Variants in TANGO6 observed in about 807,000 individuals in gnomAD.
TANGO6 encodes the protein transport and golgi organization 6 homolog.
In TANGO6, 90 loss-of-function variants were observed where a neutral mutation model predicts 114.2. That is an observed-to-expected ratio of 0.79 (90% CI 0.66 to 0.94). The LOEUF (loss-of-function observed/expected upper bound fraction) is 0.94, where lower values mean the gene tolerates loss of function less well. Among genes scored for constraint, TANGO6 ranks in the 40% least tolerant of loss-of-function variants. TANGO6 has a pLI of 0.00. For missense variants in TANGO6, 1,274 were observed against 1,315.3 expected (o/e 0.97, Z 0.49); for synonymous variants, 477 against 509.8 (o/e 0.94, Z 0.87).
intron 3 of TANGO6, among the ~76,000 whole-genome samples, chr16:68,864,174 CAA>C (rs11393218): frequency 7.4e-6 from 1 of 135,328 alleles, no homozygotes; most frequent in Non-Finnish European, 1.6e-5. Flanking sequence ...AACTCCGTCT[CAA>C]AAAAAAAAAA....
intron 15 of TANGO6, among the ~76,000 whole-genome samples, chr16:69,009,568 TGCAACAACA>T (rs1182661331): frequency 7.2e-5 from 11 of 152,200 alleles, no homozygotes; most frequent in African/African-American, 2.7e-4. Context: ...CACCAATTTC[TGCAACAACA>T]GCAACAACAA....
At chr16:68,998,830 A>G (rs1157583665) in intron 15 of TANGO6, among the ~76,000 whole-genome samples, 1 of 152,048 alleles carries the variant, frequency 6.6e-6, no homozygotes, top group Non-Finnish European at 1.5e-5. Context: ...ATTATTTGCC[A>G]TAGAAACTCC....
chr16:69,049,041 C>T (rs1323360853), intron 17 of TANGO6, among the ~76,000 whole-genome samples: 1 of 152,158 alleles, frequency 6.6e-6, no homozygotes, highest in South Asian at 2.1e-4. Flanking sequence ...AGAGCCCCCT[C>T]TTCCCCTTAC....
intron 1 of TANGO6, among the ~76,000 whole-genome samples, chr16:68,844,268 G>A (rs1158537968): frequency 6.6e-6 from 1 of 152,154 alleles, no homozygotes; most frequent in African/African-American, 2.4e-5. Flanking sequence ...GGGATATTGG[G>A]AGTGGTTGAA....
At chr16:69,027,708 C>T (rs1252806617) in intron 16 of TANGO6, among the ~76,000 whole-genome samples, 1 of 151,850 alleles carries the variant, frequency 6.6e-6, no homozygotes, top group Non-Finnish European at 1.5e-5. Flanking sequence ...GGTCTCTTCA[C>T]ATAACCCAAA....
intron 17 of TANGO6, among the ~76,000 whole-genome samples, chr16:69,077,823 C>G (rs1478068924): frequency 6.6e-6 from 1 of 152,020 alleles, no homozygotes; most frequent in Non-Finnish European, 1.5e-5. Flanking sequence ...GAGCGAGACT[C>G]TTTCTCAAAA....
intron 15 of TANGO6, among the ~76,000 whole-genome samples, chr16:69,006,401 C>A (rs1964092060): frequency 6.6e-6 from 1 of 152,100 alleles, no homozygotes; most frequent in Admixed American, 6.6e-5. Flanking sequence ...AAAATAGATT[C>A]TCCAGTCCTC....
intron 16 of TANGO6, among the ~76,000 whole-genome samples, chr16:69,037,955 C>CT (rs1959716605): frequency 6.6e-6 from 1 of 152,178 alleles, no homozygotes; most frequent in Non-Finnish European, 1.5e-5. Flanking sequence ...AAAATACAAC[C>CT]TGTATAGTTA....
intron 9 of TANGO6, among the ~76,000 whole-genome samples, chr16:68,905,909 A>G (rs770335331): frequency 3.9e-5 from 6 of 152,076 alleles, no homozygotes; most frequent in Non-Finnish European, 8.8e-5. Flanking sequence ...ATGGCCGAGC[A>G]CAGTGGCTCA....
Position 68,892,538 on chromosome 16 carries a change from C to T in TANGO6, c.1378-7896C>T, listed in dbSNP as rs1962638368. 4.8e-5 allele frequency among the ~76,000 whole-genome samples: 7 copies of T among 145,954 alleles called. No individual in the cohort carries two copies. In the South Asian group the frequency reaches 1.5e-3, roughly 31 times the overall value. ...TTTTTTTTTTTTTTTGAGACGGAGTCTCTGTCTGTTGCCCAGGCTGGAGTG... is the reference window on the plus strand; with the variant it reads ...TTTTTTTTTTTTTTTGAGACGGAGTTTCTGTCTGTTGCCCAGGCTGGAGTG... On this transcript the variant is annotated intron_variant, in intron 7 of 17. Transcript: ENST00000261778.
rs1250066720 is a variant in TANGO6, at chr16:68,900,544, A to C, written c.1488A>C (p.Ile496=). The C allele has an allele frequency of 2.5e-6, 4 of 1,607,424 alleles. No individual in the cohort carries two copies. Among genetic ancestry groups the C allele is most frequent in the Non-Finnish European group, 3.4e-6 (4 of 1,175,180 alleles). The change falls in exon 8 of 18, where the codon ATA becomes ATC. Residue 496 remains isoleucine, a splice_region_variant and synonymous_variant. Transcript: ENST00000261778. The part of the protein sequence containing the change: ...YCFTKQSVSH[I]RSLCQEILLW... ...TTACTAAGCAGAGTGTGTCTCACAT[A>C]AGGTAAACAATCAAGGGACCCTTAT...
chr16:68,906,862 C>T (rs1486848996), intron 9 of TANGO6, among the ~76,000 whole-genome samples: 2 of 150,090 alleles, frequency 1.3e-5, no homozygotes, highest in Admixed American at 6.7e-5. Flanking sequence ...GGCACAATCT[C>T]GGCTCACTGC....
intron 17 of TANGO6, among the ~76,000 whole-genome samples, chr16:69,072,643 C>G (rs533573785): frequency 1.3e-5 from 2 of 152,200 alleles, no homozygotes; most frequent in Non-Finnish European, 2.9e-5. Flanking sequence ...GGAAGAAGCT[C>G]TATACCAGGA....
intron 12 of TANGO6, among the ~76,000 whole-genome samples, chr16:68,926,039 T>A (rs1430360857): frequency 6.9e-6 from 1 of 145,490 alleles, no homozygotes; most frequent in Non-Finnish European, 1.5e-5. Context: ...TCTTGGCTGG[T>A]TTTTTTTTTT....
At chr16:68,855,728 C>T (rs1961979069) in intron 1 of TANGO6, among the ~76,000 whole-genome samples, 1 of 151,860 alleles carries the variant, frequency 6.6e-6, no homozygotes, top group Admixed American at 6.6e-5. Context: ...ACTAAAAATA[C>T]AAAAAAATTA....
At chr16:69,036,236 G>T (rs1959685199) in intron 16 of TANGO6, among the ~76,000 whole-genome samples, 1 of 152,088 alleles carries the variant, frequency 6.6e-6, no homozygotes, top group Admixed American at 6.6e-5. Flanking sequence ...ACATAGAAGA[G>T]AGTGGCCTAC....
At position 68,928,088 on chromosome 16, in the gene TANGO6, G is replaced by A. The variant is rs1288689975; in HGVS notation, c.2643+5G>A. 2 of 1,567,078 alleles carry A rather than the reference G, an allele frequency of 1.3e-6. No individual in the cohort carries two copies. The highest frequency in any genetic ancestry group is 4.7e-5 in the East Asian group (2 of 42,828). On this transcript the variant is annotated splice_donor_5th_base_variant and intron_variant, in intron 13 of 17. Coordinates refer to ENST00000261778, the MANE Select transcript of TANGO6 (RefSeq NM_024562.2). Reference sequence around the variant, plus strand: ...ATGCAAGAGAAGCTTCTCAAGGTGAGTAGAACACACTGTAAAGACACATGG... The same window carrying A: ...ATGCAAGAGAAGCTTCTCAAGGTGAATAGAACACACTGTAAAGACACATGG...
At chr16:68,998,375 T>G (rs970961056) in intron 15 of TANGO6, among the ~76,000 whole-genome samples, 1 of 152,124 alleles carries the variant, frequency 6.6e-6, no homozygotes, top group East Asian at 1.9e-4. Flanking sequence ...TACCATAGTT[T>G]TTGAATCATA....
Position 68,945,938 on chromosome 16 carries a change from G to C in TANGO6, c.2701+15643G>C, listed in dbSNP as rs79472045. On this transcript the variant is annotated intron_variant, in intron 14 of 17. Coordinates refer to ENST00000261778, the MANE Select transcript of TANGO6 (RefSeq NM_024562.2). ...TGACCTCAGATGATCCCCCGCCTTG[G>C]CCTCCCAAAATGCTAGGATTATAGG... 5.2e-3 allele frequency among the ~76,000 whole-genome samples: 785 copies of C among 152,212 alleles called. 22 individuals carry two copies. The East Asian group carries it at 0.071, about 14-fold the overall frequency.
Sources: gnomAD v4.1 joint callset for allele counts (sites outside exome capture counted in the v4.1 genomes callset) on GRCh38, gnomAD v4.1.1 for gene constraint, MANE v1.5 for transcripts, NCBI Gene and HGNC (gene_info 2026-07-23, HGNC 2026-07-21) for gene names.